Variants in SEMA5A observed in about 807,000 individuals in gnomAD.
The protein encoded by SEMA5A is semaphorin 5A.
In SEMA5A, 55 loss-of-function variants were observed where a neutral mutation model predicts 135.5. The observed-to-expected ratio is 0.41, with a 90% CI of 0.33 to 0.51. The LOEUF (loss-of-function observed/expected upper bound fraction) is 0.51. Among genes scored for constraint, SEMA5A ranks in the 20% least tolerant of loss-of-function variants. SEMA5A has a pLI of 0.37. For synonymous variants in SEMA5A, 580 were observed against 546.5 expected (o/e 1.06, Z -0.85); for missense variants, 1,290 against 1,419.9 (o/e 0.91, Z 1.47).
At chr5:9,259,140 A>G (rs183939256) in intron 5 of SEMA5A, among the ~76,000 whole-genome samples, 83 of 152,270 alleles carry the variant, frequency 5.5e-4, no homozygotes, top group African/African-American at 2.0e-3. Flanking sequence ...TTTTACAAAA[A>G]GCCTTTTTAA....
At chr5:9,403,263 C>T (rs1371568368) in intron 2 of SEMA5A, among the ~76,000 whole-genome samples, 1 of 152,070 alleles carries the variant, frequency 6.6e-6, no homozygotes, top group Non-Finnish European at 1.5e-5. Context: ...TTTAACTCCC[C>T]AATACAAACC....
intron 12 of SEMA5A, among the ~76,000 whole-genome samples, chr5:9,144,972 T>C (rs916026647): frequency 1.3e-5 from 2 of 152,118 alleles, no homozygotes; most frequent in African/African-American, 4.8e-5. Flanking sequence ...CCATGAGAAG[T>C]ATATGTGGGC....
At chr5:9,532,440 C>CTTTTTTTTTTTTTTTT (rs4045370) in intron 1 of SEMA5A, among the ~76,000 whole-genome samples, 1 of 125,146 alleles carries the variant, frequency 8.0e-6, no homozygotes, top group Non-Finnish European at 1.6e-5. Context: ...TAATTTTTTT[C>CTTTTTTTTTTTTTTTT]TTTTTTTTTT....
At chr5:9,114,763 T>C (rs1410962264) in intron 15 of SEMA5A, among the ~76,000 whole-genome samples, 1 of 152,174 alleles carries the variant, frequency 6.6e-6, no homozygotes, top group Non-Finnish European at 1.5e-5. Context: ...ATTTTGGAAA[T>C]CAGTCACTTT....
At chr5:9,314,373 G>GAA (rs34088756) in intron 5 of SEMA5A, among the ~76,000 whole-genome samples, 15,346 of 120,378 alleles carry the variant, frequency 0.13, 2,144 homozygotes, top group African/African-American at 0.34. Context: ...CTGAGTTCCA[G>GAA]AAAAAAAAAA....
At chr5:9,245,941 G>A (rs1256990112) in intron 5 of SEMA5A, among the ~76,000 whole-genome samples, 2 of 152,010 alleles carry the variant, frequency 1.3e-5, no homozygotes, top group Non-Finnish European at 2.9e-5. Flanking sequence ...CCCTACTCCT[G>A]AACACGAATG....
chr5:9,471,942 T>G (rs1459128623), intron 1 of SEMA5A, among the ~76,000 whole-genome samples: 1 of 152,216 alleles, frequency 6.6e-6, no homozygotes, highest in Non-Finnish European at 1.5e-5. Flanking sequence ...CTTAGAAAAA[T>G]GATTGAATGC....
intron 13 of SEMA5A, among the ~76,000 whole-genome samples, chr5:9,133,454 TG>T (rs1741550396): frequency 1.3e-5 from 2 of 152,200 alleles, no homozygotes; most frequent in Non-Finnish European, 2.9e-5. Context: ...AAGTGTATCT[TG>T]ATATGTGATA....
rs371735212 is a variant in SEMA5A at position 9,269,595 on chromosome 5, T to C, written c.271-31705A>G. ...GAAGGAGATAATGTTCATGAAAATA[T>C]TCTTGTTAACACTAAAATAGAATAG... On this transcript the variant is annotated intron_variant, in intron 5 of 22. Transcript: ENST00000382496. 2.0e-5 allele frequency among the ~76,000 whole-genome samples: 3 copies of C among 152,222 alleles called. No individual in the cohort carries two copies. The East Asian group carries it at 5.8e-4, about 29-fold the overall frequency.
chr5:9,461,952 G>C (rs1200265079), intron 1 of SEMA5A, among the ~76,000 whole-genome samples: 2 of 152,076 alleles, frequency 1.3e-5, no homozygotes, highest in East Asian at 3.9e-4. Flanking sequence ...AAAAATCAGG[G>C]ATCAAAGAGA....
chr5:9,400,501 A>ATTTTTTTT (rs1215358817), intron 2 of SEMA5A, among the ~76,000 whole-genome samples: 4 of 87,038 alleles, frequency 4.6e-5, no homozygotes, highest in African/African-American at 1.0e-4. Flanking sequence ...CACAATGTAC[A>ATTTTTTTT]TTTTTTTTTT....
chr5:9,128,503 C>T (rs897365193), intron 13 of SEMA5A, among the ~76,000 whole-genome samples: 3 of 152,090 alleles, frequency 2.0e-5, no homozygotes, highest in Non-Finnish European at 4.4e-5. Flanking sequence ...AGGAGAAGGC[C>T]TAGGGAATCA....
intron 5 of SEMA5A, among the ~76,000 whole-genome samples, chr5:9,251,337 G>A (rs1239306096): frequency 6.6e-6 from 1 of 152,132 alleles, no homozygotes; most frequent in Non-Finnish European, 1.5e-5. Context: ...ATTCTGAAAA[G>A]AGCCATGCTA....
chr5:9,366,551 G>A (rs1267541337), intron 3 of SEMA5A, among the ~76,000 whole-genome samples: 1 of 152,152 alleles, frequency 6.6e-6, no homozygotes, highest in African/African-American at 2.4e-5. Context: ...ACCACGCCCA[G>A]CTAAGTTTTT....
intron 2 of SEMA5A, among the ~76,000 whole-genome samples, chr5:9,398,954 TATTG>T (rs1258539581): frequency 2.0e-5 from 3 of 152,218 alleles, no homozygotes; most frequent in African/African-American, 7.2e-5. Flanking sequence ...TTTGCAAAAA[TATTG>T]TACCATCATC....
chr5:9,143,150 T>C (rs1361134414), intron 12 of SEMA5A, among the ~76,000 whole-genome samples: 1 of 152,200 alleles, frequency 6.6e-6, no homozygotes, highest in African/African-American at 2.4e-5. Context: ...AGTTATATCG[T>C]GCTAGACAGT....
intron 8 of SEMA5A, among the ~76,000 whole-genome samples, chr5:9,205,238 A>AG (rs1300442829): frequency 6.6e-6 from 1 of 152,154 alleles, no homozygotes; most frequent in Non-Finnish European, 1.5e-5. Context: ...GAACAGTCTA[A>AG]GGGGGGTTTC....
At chr5:9,389,747 A>T (rs1403770893) in intron 2 of SEMA5A, among the ~76,000 whole-genome samples, 1 of 152,062 alleles carries the variant, frequency 6.6e-6, no homozygotes, top group Non-Finnish European at 1.5e-5. Flanking sequence ...CTTGCTGCTA[A>T]TCCCAACCCT....
intron 16 of SEMA5A, among the ~76,000 whole-genome samples, chr5:9,069,780 T>A (rs183270281): frequency 1.2e-3 from 177 of 152,336 alleles, no homozygotes; most frequent in African/African-American, 4.1e-3. Flanking sequence ...GTTTATAGCA[T>A]CTTTTATTAT....
Sources: gnomAD v4.1 joint callset for allele counts (sites outside exome capture counted in the v4.1 genomes callset) on GRCh38, gnomAD v4.1.1 for gene constraint, MANE v1.5 for transcripts, NCBI Gene and HGNC (gene_info 2026-07-23, HGNC 2026-07-21) for gene names.